Variants in KAZN observed in about 807,000 individuals in gnomAD.
KAZN encodes the protein kazrin, periplakin interacting protein, also known as kazrin.
A neutral mutation model predicts 87.4 loss-of-function variants in KAZN; 40 were observed. The ratio of observed to expected loss-of-function variants is 0.46; its 90% CI spans 0.36 to 0.60. The LOEUF (loss-of-function observed/expected upper bound fraction) is 0.60, where lower values mean the gene tolerates loss of function less well. Among genes scored for constraint, KAZN ranks in the 20% least tolerant of loss-of-function variants. The probability of loss-of-function intolerance (pLI) is 0.00; values close to 1 mark genes in which losing one functional copy is unlikely to be tolerated. For missense variants in KAZN, 898 were observed against 1,073.9 expected, an observed-to-expected ratio of 0.84 and a Z score of 2.29; for synonymous variants, 466 against 458.3, an observed-to-expected ratio of 1.02 and a Z score of -0.22.
chr1:14,848,507 T>C (rs1218196221), intron 1 of KAZN, among the ~76,000 whole-genome samples: 20 of 152,226 alleles, frequency 1.3e-4, no homozygotes, highest in Non-Finnish European at 5.9e-5. Context: ...TTATCATTGC[T>C]AACCAAAGAC....
intron 1 of KAZN, among the ~76,000 whole-genome samples, chr1:14,606,706 A>G (rs948644712): frequency 2.6e-5 from 4 of 152,052 alleles, no homozygotes; most frequent in Non-Finnish European, 2.9e-5. Context: ...AGATACCTTC[A>G]TGCTAGGGTT....
intron 2 of KAZN, among the ~76,000 whole-genome samples, chr1:14,205,599 A>G (rs1646722938): frequency 1.3e-5 from 2 of 152,092 alleles, no homozygotes; most frequent in African/African-American, 4.8e-5. Flanking sequence ...ACATACATCA[A>G]TTAAAATGTC....
intron 2 of KAZN, among the ~76,000 whole-genome samples, chr1:14,503,747 T>C (rs547453938): frequency 6.6e-6 from 1 of 151,910 alleles, no homozygotes; most frequent in African/African-American, 2.4e-5. Flanking sequence ...AATCCAAGGC[T>C]AAAATTGCAA....
intron 2 of KAZN, among the ~76,000 whole-genome samples, chr1:14,452,927 A>C (rs1275089354): frequency 1.3e-5 from 2 of 151,722 alleles, no homozygotes; most frequent in Admixed American, 6.6e-5. Context: ...TCCAATCCAC[A>C]CTCTTCTTGA....
At chr1:14,385,040 C>G (rs1207125289) in intron 2 of KAZN, among the ~76,000 whole-genome samples, 1 of 151,318 alleles carries the variant, frequency 6.6e-6, no homozygotes, top group Non-Finnish European at 1.5e-5. Context: ...CTGGTTTAGT[C>G]TTGGGAGAGT....
At chr1:14,530,524 T>G (rs1672149848) in intron 2 of KAZN, among the ~76,000 whole-genome samples, 1 of 152,126 alleles carries the variant, frequency 6.6e-6, no homozygotes, top group Non-Finnish European at 1.5e-5. Context: ...GGGGGCAAAT[T>G]CCTCATGAAT....
chr1:14,145,753 G>T (rs558708087), intron 1 of KAZN, among the ~76,000 whole-genome samples: 1 of 152,128 alleles, frequency 6.6e-6, no homozygotes, highest in Admixed American at 6.5e-5. Flanking sequence ...GCTAATTTTT[G>T]TATTTTTAGT....
rs549867429 is a variant in KAZN at position 13,978,644 on chromosome 1, A to G, written c.91+84888A>G. On this transcript the variant is annotated intron_variant, in intron 1 of 16. Transcript: ENST00000636203. ...TAGGTGAGTAGAAAATATCCAGATG[A>G]AAGTGTAGAGAGAAAAAGATAAATT... Among the ~76,000 whole-genome samples the G allele has an allele frequency of 2.3e-4, 35 of 152,200 alleles. 1 individual carries two copies. The highest frequency in any genetic ancestry group is 6.8e-3 in the Middle Eastern group (2 of 294).
rs545409342 is a variant in KAZN at position 14,287,310 on chromosome 1, C to T, written c.249+106718C>T. On this transcript the variant is annotated intron_variant, in intron 2 of 16. Coordinates refer to the KAZN transcript ENST00000636203. ...ATCTATTTTCTCATTCTCCCTTGCACCTAGAGGTAATCATGTGACACTATT... is the reference window on the plus strand; with the variant it reads ...ATCTATTTTCTCATTCTCCCTTGCATCTAGAGGTAATCATGTGACACTATT... Among the ~76,000 whole-genome samples, 10 of 152,278 alleles carry T rather than the reference C, an allele frequency of 6.6e-5. No individual in the cohort carries two copies. In the South Asian group the frequency reaches 1.2e-3, roughly 19 times the overall value.
intron 1 of KAZN, among the ~76,000 whole-genome samples, chr1:14,127,684 G>A (rs934780152): frequency 7.2e-5 from 11 of 152,176 alleles, no homozygotes; most frequent in Non-Finnish European, 1.2e-4. Flanking sequence ...TGCTTTGAGA[G>A]AATGCATGGG....
At chr1:14,681,330 A>G (rs1187409054) in intron 1 of KAZN, among the ~76,000 whole-genome samples, 2 of 152,046 alleles carry the variant, frequency 1.3e-5, no homozygotes, top group African/African-American at 4.8e-5. Context: ...GCTACTATGG[A>G]CATTTGTGTT....
At chr1:14,139,730 A>G (rs572703751) in intron 1 of KAZN, among the ~76,000 whole-genome samples, 89 of 152,330 alleles carry the variant, frequency 5.8e-4, no homozygotes, top group Non-Finnish European at 1.0e-3. Flanking sequence ...AGAGGAGAGA[A>G]TACTGTTCCA....
chr1:14,920,645 G>A (rs1357029066), intron 1 of KAZN, among the ~76,000 whole-genome samples: 7 of 152,254 alleles, frequency 4.6e-5, no homozygotes, highest in Non-Finnish European at 1.0e-4. Flanking sequence ...ATAATTGGTA[G>A]GTCCCAATGT....
intron 2 of KAZN, among the ~76,000 whole-genome samples, chr1:14,367,148 G>T (rs888940183): frequency 6.6e-6 from 1 of 152,160 alleles, no homozygotes; most frequent in African/African-American, 2.4e-5. Flanking sequence ...AGAACTGCTT[G>T]AACACAGGAG....
At chr1:14,443,376 A>T (rs1200963849) in intron 2 of KAZN, among the ~76,000 whole-genome samples, 1 of 152,206 alleles carries the variant, frequency 6.6e-6, no homozygotes, top group African/African-American at 2.4e-5. Context: ...TCTGTGGGCC[A>T]GGGGCTCTTG....
intron 1 of KAZN, among the ~76,000 whole-genome samples, chr1:13,904,028 A>G (rs541601029): frequency 6.6e-6 from 1 of 152,262 alleles, no homozygotes; most frequent in Non-Finnish European, 1.5e-5. Flanking sequence ...GTAGACTCAG[A>G]AATGTGTCAG....
intron 2 of KAZN, among the ~76,000 whole-genome samples, chr1:14,500,308 T>G (rs898313285): frequency 6.6e-6 from 1 of 152,120 alleles, no homozygotes; most frequent in Non-Finnish European, 1.5e-5. Flanking sequence ...TTTCACTTCC[T>G]TTAAGCCAAC....
rs10928005 is a variant in KAZN, at chr1:14,093,853, A to C, written c.92-86582A>C. On this transcript the variant is annotated intron_variant, in intron 1 of 16. Coordinates refer to the KAZN transcript ENST00000636203. Reference sequence around the variant, plus strand: ...AAACCAGGTAGAAATGCGATTGGACAAAAAGAAAAGATCTGAGCTGATGGT... The same window carrying C: ...AAACCAGGTAGAAATGCGATTGGACCAAAAGAAAAGATCTGAGCTGATGGT... Among the ~76,000 whole-genome samples, 89 of 152,308 alleles carry C rather than the reference A, an allele frequency of 5.8e-4. 2 individuals are homozygous for C. In the East Asian group the frequency reaches 0.016, roughly 28 times the overall value.
intron 1 of KAZN, among the ~76,000 whole-genome samples, chr1:14,872,676 A>C (rs1652269264): frequency 6.6e-6 from 1 of 152,212 alleles, no homozygotes; most frequent in Non-Finnish European, 1.5e-5. Flanking sequence ...TTCACATTTG[A>C]AGGATTAATA....
Sources: allele counts gnomAD v4.1 joint callset (sites outside exome capture counted in the v4.1 genomes callset), GRCh38; gene constraint gnomAD v4.1.1; transcripts MANE v1.5; gene names NCBI Gene and HGNC (gene_info 2026-07-23, HGNC 2026-07-21).